The following EXOC6B variants were observed in gnomAD, a reference collection of about 807,000 sequenced individuals.
EXOC6B encodes the protein SEC15 homolog B.
EXOC6B carries 54 observed loss-of-function variants against 113.5 expected under a neutral mutation model. The observed-to-expected ratio is 0.48, with a 90% confidence interval of 0.38 to 0.60. The LOEUF (loss-of-function observed/expected upper bound fraction) is 0.60. Among genes scored for constraint, EXOC6B ranks in the 20% least tolerant of loss-of-function variants. The pLI, the probability that EXOC6B is intolerant of heterozygous loss-of-function variation, is 0.00. For synonymous variants in EXOC6B, 357 were observed against 339.0 expected, an observed-to-expected ratio of 1.05 and a Z score of -0.58; for missense variants, 797 against 977.5, an observed-to-expected ratio of 0.82 and a Z score of 2.46.
At chr2:72,214,453 T>C (rs999666891) in intron 20 of EXOC6B, among the ~76,000 whole-genome samples, 1 of 149,036 alleles carries the variant, frequency 6.7e-6, no homozygotes, top group Non-Finnish European at 1.5e-5. Flanking sequence ...ATTGCGCCAC[T>C]GCACTCTGGC....
chr2:72,503,128 G>A (rs1433420106), intron 11 of EXOC6B, among the ~76,000 whole-genome samples: 1 of 151,868 alleles, frequency 6.6e-6, no homozygotes, highest in Non-Finnish European at 1.5e-5. Flanking sequence ...TTTGGTACTA[G>A]TTTGAAATAT....
chr2:72,236,955 A>G (rs1336528186), intron 20 of EXOC6B, among the ~76,000 whole-genome samples: 2 of 152,044 alleles, frequency 1.3e-5, no homozygotes, highest in East Asian at 3.9e-4. Context: ...TTCTGGAATG[A>G]TTTTCTACTT....
At chr2:72,649,743 G>A (rs1325672879) in intron 6 of EXOC6B, among the ~76,000 whole-genome samples, 4 of 152,056 alleles carry the variant, frequency 2.6e-5, no homozygotes, top group Non-Finnish European at 5.9e-5. Context: ...TGGAACAGAA[G>A]AGATCCCAGA....
At chr2:72,413,649 C>T (rs2105231992) in intron 18 of EXOC6B, among the ~76,000 whole-genome samples, 1 of 150,934 alleles carries the variant, frequency 6.6e-6, no homozygotes, top group East Asian at 2.0e-4. Context: ...CTCCACTGCA[C>T]TCCAGCCTGG....
intron 19 of EXOC6B, among the ~76,000 whole-genome samples, chr2:72,370,210 C>A (rs185686327): frequency 1.3e-5 from 2 of 152,138 alleles, no homozygotes; most frequent in African/African-American, 4.8e-5. Flanking sequence ...AGGATATGAA[C>A]AGACACTTCT....
intron 8 of EXOC6B, among the ~76,000 whole-genome samples, chr2:72,538,173 G>A (rs1461698198): frequency 1.3e-5 from 2 of 151,812 alleles, no homozygotes; most frequent in African/African-American, 4.8e-5. Context: ...ATGTTGCCCA[G>A]GCTGGTCTCA....
chr2:72,640,156 C>T (rs549598037), intron 6 of EXOC6B, among the ~76,000 whole-genome samples: 1 of 152,106 alleles, frequency 6.6e-6, no homozygotes, highest in Non-Finnish European at 1.5e-5. Flanking sequence ...ACAAAACAGC[C>T]AGTATAGAAA....
At chr2:72,213,938 A>T (rs1680345763) in intron 20 of EXOC6B, among the ~76,000 whole-genome samples, 1 of 152,076 alleles carries the variant, frequency 6.6e-6, no homozygotes, top group Non-Finnish European at 1.5e-5. Flanking sequence ...ATATTTTGTT[A>T]TAGCAGCCCG....
intron 3 of EXOC6B, 101 bp from the exon 4 acceptor site, chr2:72,731,346 G>T: frequency 1.1e-6 from 1 of 905,422 alleles, no homozygotes; most frequent in East Asian, 2.6e-5. Context: ...GAAAATCCCA[G>T]ACAGTTTCAT....
At chr2:72,720,101 A>G (rs942921974) in intron 5 of EXOC6B, among the ~76,000 whole-genome samples, 5 of 152,190 alleles carry the variant, frequency 3.3e-5, no homozygotes, top group Non-Finnish European at 7.3e-5. Flanking sequence ...CTGTGATAAG[A>G]TGCATATTAT....
rs574487950 is a variant in EXOC6B at position 72,372,612 on chromosome 2, G to A, written c.2122+7117C>T. On this transcript the variant is annotated intron_variant, in intron 19 of 21. Transcript: ENST00000272427. Reference sequence around the variant, plus strand: ...TGTAATCCCAGCACTTTGGGAGGCCGAGGTGGGAGGATCATGAGGTCAGGA... The same window carrying A: ...TGTAATCCCAGCACTTTGGGAGGCCAAGGTGGGAGGATCATGAGGTCAGGA... Among the ~76,000 whole-genome samples, 143 of 152,242 alleles carry A rather than the reference G, an allele frequency of 9.4e-4. 1 individual carries two copies. Among genetic ancestry groups the A allele is most frequent in the Non-Finnish European group, 1.6e-3 (110 of 68,008 alleles).
intron 1 of EXOC6B, among the ~76,000 whole-genome samples, chr2:72,748,047 G>A (rs1228857478): frequency 6.6e-6 from 1 of 152,004 alleles, no homozygotes; most frequent in Non-Finnish European, 1.5e-5. Flanking sequence ...AAAGGTAGGA[G>A]ACTAACTGAT....
At chr2:72,583,161 A>G (rs1705335643) in intron 6 of EXOC6B, among the ~76,000 whole-genome samples, 2 of 152,176 alleles carry the variant, frequency 1.3e-5, no homozygotes, top group African/African-American at 4.8e-5. Flanking sequence ...TAAAGAAAAA[A>G]TAATTTTTAA....
At chr2:72,440,671 A>G (rs1232094247) in intron 18 of EXOC6B, among the ~76,000 whole-genome samples, 1 of 152,180 alleles carries the variant, frequency 6.6e-6, no homozygotes, top group Non-Finnish European at 1.5e-5. Context: ...TCAAATCAAC[A>G]CATTATCAAT....
intron 20 of EXOC6B, among the ~76,000 whole-genome samples, chr2:72,280,194 T>G (rs1685050321): frequency 6.6e-6 from 1 of 152,150 alleles, no homozygotes; most frequent in Admixed American, 6.5e-5. Context: ...CTTTTATTTC[T>G]CTGTTTCATT....
intron 18 of EXOC6B, among the ~76,000 whole-genome samples, chr2:72,407,247 C>G (rs1298067262): frequency 1.3e-5 from 2 of 152,128 alleles, no homozygotes; most frequent in African/African-American, 4.8e-5. Flanking sequence ...AAAAAAAGTC[C>G]AGGACCAGAA....
intron 6 of EXOC6B, among the ~76,000 whole-genome samples, chr2:72,612,886 C>T (rs1384399997): frequency 6.6e-6 from 1 of 152,154 alleles, no homozygotes; most frequent in African/African-American, 2.4e-5. Flanking sequence ...GATGTCTGTA[C>T]TCAAAAAAGT....
chr2:72,359,045 G>A (rs555354313), intron 19 of EXOC6B, among the ~76,000 whole-genome samples: 1 of 152,270 alleles, frequency 6.6e-6, no homozygotes, highest in South Asian at 2.1e-4. Flanking sequence ...ACTGGGTGGG[G>A]CAGACAAGAT....
chr2:72,193,744 C>G (rs1364737670), intron 20 of EXOC6B, among the ~76,000 whole-genome samples: 1 of 152,108 alleles, frequency 6.6e-6, no homozygotes. Context: ...GGCTAGATCT[C>G]TCAGGAGTGC....
Sources: gnomAD v4.1 joint callset for allele counts (sites outside exome capture counted in the v4.1 genomes callset) on GRCh38, gnomAD v4.1.1 for gene constraint, MANE v1.5 for transcripts, NCBI Gene and HGNC (gene_info 2026-07-23, HGNC 2026-07-21) for gene names.